The following HSPBAP1 variants were observed in gnomAD, a reference collection of about 807,000 sequenced individuals.
HSPBAP1 encodes the protein HSPB1 associated protein 1, also known as HSPB1-associated protein 1.
HSPBAP1 carries 27 observed loss-of-function variants against 45.2 expected under a neutral mutation model. That is an observed-to-expected ratio of 0.60 (90% CI 0.44 to 0.82). HSPBAP1 has a LOEUF of 0.82. Ranked by LOEUF, HSPBAP1 falls within the 40% of genes least tolerant of loss-of-function variation. The pLI is 0.00. For synonymous variants in HSPBAP1, 204 were observed against 202.7 expected, an observed-to-expected ratio of 1.01 and a Z score of -0.06; for missense variants, 510 against 590.9, an observed-to-expected ratio of 0.86 and a Z score of 1.42.
At chr3:122,756,693 G>A (rs1350659814) in intron 4 of HSPBAP1, among the ~76,000 whole-genome samples, 1 of 137,284 alleles carries the variant, frequency 7.3e-6, no homozygotes, top group Admixed American at 7.5e-5. Flanking sequence ...GCAAAACCTT[G>A]TATCTAAAAA....
rs756837685 is a variant in HSPBAP1 at position 122,741,131 on chromosome 3, G to A, written c.826-18C>T. 29 of 1,543,752 alleles carry A rather than the reference G, an allele frequency of 1.9e-5. No individual in the cohort carries two copies. Among genetic ancestry groups the A allele is most frequent in the Non-Finnish European group, 2.3e-5 (26 of 1,116,090 alleles). ...TCCTCTTCCTGAATTAAAAAAACACGCTTTTAACTTCTGTTAAGTCTCATG... is the reference window on the plus strand; with the variant it reads ...TCCTCTTCCTGAATTAAAAAAACACACTTTTAACTTCTGTTAAGTCTCATG... On this transcript the variant is annotated intron_variant, in intron 6 of 7. Transcript: ENST00000306103.
intron 6 of HSPBAP1, among the ~76,000 whole-genome samples, chr3:122,744,038 T>G (rs934499499): frequency 1.8e-4 from 28 of 151,588 alleles, no homozygotes; most frequent in African/African-American, 6.8e-4. Flanking sequence ...TAAAAAATTC[T>G]AGTTTTCGGG....
At chr3:122,780,082 G>A (rs551530807) in intron 1 of HSPBAP1, among the ~76,000 whole-genome samples, 6,127 of 148,900 alleles carry the variant, frequency 0.041, 183 homozygotes, top group Middle Eastern at 0.066. Context: ...CAGTAGGGGC[G>A]GCCGGGCAGA....
intron 1 of HSPBAP1, among the ~76,000 whole-genome samples, chr3:122,792,030 T>TA (rs1935846493): frequency 6.6e-6 from 1 of 152,150 alleles, no homozygotes; most frequent in South Asian, 2.1e-4. Flanking sequence ...AGGAAAAAAG[T>TA]AGACAGATTA....
intron 1 of HSPBAP1, among the ~76,000 whole-genome samples, chr3:122,781,963 A>G (rs1283795189): frequency 6.6e-6 from 1 of 152,244 alleles, no homozygotes; most frequent in Non-Finnish European, 1.5e-5. Flanking sequence ...TAATTCTTAA[A>G]TGATTTTTCT....
rs1392726676 is a variant in HSPBAP1 at position 122,754,905 on chromosome 3, TACTA to T, written c.741+351_741+354del. 4 of 1,005,102 alleles carry T rather than the reference TACTA, an allele frequency of 4.0e-6. No individual in the cohort carries two copies. The African/African-American group carries it at 6.9e-5, about 17-fold the overall frequency. 62.3% of individuals were successfully genotyped at this position (1,005,102 alleles called of 1,614,324 possible). ...TTCAGTGCTATCATAATTGAACAGA[TACTA>T]ACTGTGATTAAATGTTCCAGAGATG... On this transcript the variant is annotated intron_variant, in intron 5 of 7. Coordinates refer to ENST00000306103, the MANE Select transcript of HSPBAP1 (RefSeq NM_024610.6).
chr3:122,768,137 G>A (rs143906319), intron 3 of HSPBAP1, among the ~76,000 whole-genome samples: 11 of 152,220 alleles, frequency 7.2e-5, no homozygotes, highest in East Asian at 3.9e-4. Context: ...GTCAACATAC[G>A]GCAAAGAACT....
At chr3:122,789,053 C>T (rs1279151164) in intron 1 of HSPBAP1, among the ~76,000 whole-genome samples, 5 of 152,188 alleles carry the variant, frequency 3.3e-5, no homozygotes, top group Non-Finnish European at 5.9e-5. Context: ...TGGATTCTAA[C>T]ATGGGAATTT....
At chr3:122,747,748 G>A (rs1206045458) in intron 6 of HSPBAP1, among the ~76,000 whole-genome samples, 1 of 150,434 alleles carries the variant, frequency 6.6e-6, no homozygotes, top group African/African-American at 2.4e-5. Context: ...GCCCCGTCCC[G>A]GAGGGAGGTG....
chr3:122,763,981 G>A (rs1037836752), intron 3 of HSPBAP1, among the ~76,000 whole-genome samples: 3 of 152,182 alleles, frequency 2.0e-5, no homozygotes, highest in African/African-American at 7.2e-5. Flanking sequence ...GCCTGTTAAA[G>A]TTCTATGTTT....
At chr3:122,755,938 G>T (rs1934339819) in intron 4 of HSPBAP1, among the ~76,000 whole-genome samples, 1 of 152,158 alleles carries the variant, frequency 6.6e-6, no homozygotes, top group Non-Finnish European at 1.5e-5. Flanking sequence ...CCATTAGGGA[G>T]TGGACATGCA....
Position 122,759,215 on chromosome 3 carries a change from ACAC to A in HSPBAP1, c.569+6_569+8del, listed in dbSNP as rs919660722. 5.6e-6 allele frequency: 9 copies of A among 1,609,850 alleles called. No individual in the cohort carries two copies. Among genetic ancestry groups the A allele is most frequent in the East Asian group, 2.2e-5 (1 of 44,710 alleles). ...CACACACACACACACACACACACAC[ACAC>A]ATTACCTTCCTTGTACCTGGAATAC... On this transcript the variant is annotated splice_donor_region_variant and intron_variant, in intron 4 of 7. Transcript: ENST00000306103.
chr3:122,769,356 T>C (rs1934903669), intron 2 of HSPBAP1, among the ~76,000 whole-genome samples: 1 of 152,104 alleles, frequency 6.6e-6, no homozygotes, highest in Admixed American at 6.6e-5. Flanking sequence ...TGCTGACACC[T>C]GGAAAAGGCA....
intron 5 of HSPBAP1, chr3:122,753,810 CAG>C: frequency 1.0e-6 from 1 of 985,136 alleles, no homozygotes; most frequent in Non-Finnish European, 1.2e-6. Context: ...AAAGTGGTGA[CAG>C]AAAGAGCTGG....
At chr3:122,744,482 C>T (rs2107496269) in intron 6 of HSPBAP1, among the ~76,000 whole-genome samples, 1 of 152,274 alleles carries the variant, frequency 6.6e-6, no homozygotes, top group Non-Finnish European at 1.5e-5. Flanking sequence ...CAACATATGA[C>T]AGAGAAAGAT....
intron 6 of HSPBAP1, among the ~76,000 whole-genome samples, chr3:122,747,679 G>T (rs1396843312): frequency 6.8e-6 from 1 of 146,090 alleles, no homozygotes; most frequent in Non-Finnish European, 1.5e-5. Flanking sequence ...GGGAGGTGAG[G>T]GGCGCCTCTG....
At chr3:122,762,264 CCTTT>C (rs928940848) in intron 3 of HSPBAP1, among the ~76,000 whole-genome samples, 8 of 149,524 alleles carry the variant, frequency 5.4e-5, no homozygotes, top group African/African-American at 1.5e-4. Flanking sequence ...TCCAACTTCT[CCTTT>C]ATCTTTTTTT....
At chr3:122,779,098 A>G (rs1255765739) in intron 1 of HSPBAP1, among the ~76,000 whole-genome samples, 1 of 151,264 alleles carries the variant, frequency 6.6e-6, no homozygotes, top group East Asian at 1.9e-4. Context: ...GCTGGAGTGC[A>G]GTGGCGCAGT....
At chr3:122,791,414 GC>G (rs1243489574) in intron 1 of HSPBAP1, among the ~76,000 whole-genome samples, 1 of 152,238 alleles carries the variant, frequency 6.6e-6, no homozygotes, top group African/African-American at 2.4e-5. Flanking sequence ...GGCATGGAGT[GC>G]CCTTATTCAT....
Sources: allele counts gnomAD v4.1 joint callset (sites outside exome capture counted in the v4.1 genomes callset), GRCh38; gene constraint gnomAD v4.1.1; transcripts MANE v1.5; gene names NCBI Gene and HGNC (gene_info 2026-07-23, HGNC 2026-07-21).